ALPK3: variants seen among roughly 807,000 people sequenced by gnomAD.
ALPK3 encodes the protein alpha kinase 3, also known as alpha-protein kinase 3.
A neutral mutation model predicts 140.0 loss-of-function variants in ALPK3; 102 were observed. The observed-to-expected ratio is 0.73, with a 90% CI of 0.62 to 0.86. The LOEUF is 0.86. ALPK3 is among the 40% of genes least tolerant of loss of function. The pLI is 0.00. For missense variants in ALPK3, 2,254 were observed against 2,208.2 expected, an observed-to-expected ratio of 1.02 and a Z score of -0.42; for synonymous variants, 938 against 898.5, an observed-to-expected ratio of 1.04 and a Z score of -0.79.
At position 84,873,354 on chromosome 15, in the gene ALPK3, G is replaced by T. The variant is rs1485838199; in HGVS notation, c.*4898G>T. ...TATAATTTAGCATGGGCCAACATTT[G>T]GTCCAGATTTGTATTAGCCAAGCCC... On this transcript the variant is annotated 3_prime_UTR_variant, in exon 14 of 14. Coordinates refer to ENST00000258888, the MANE Select transcript of ALPK3 (RefSeq NM_020778.5). 6.6e-6 allele frequency: 1 copy of T among 152,112 alleles called. No homozygotes were observed. The highest frequency in any genetic ancestry group is 6.6e-5 in the Admixed American group (1 of 15,260). The allele number at this position is 152,112 out of a possible 1,614,324, so 9.4% of individuals were successfully genotyped here. A position where few individuals can be genotyped will look rare whatever the true frequency, so the allele number is the denominator to read the frequency against.
At chr15:84,834,364 T>A (rs933044017) in intron 3 of ALPK3, among the ~76,000 whole-genome samples, 1 of 152,228 alleles carries the variant, frequency 6.6e-6, no homozygotes, top group African/African-American at 2.4e-5. Flanking sequence ...CTAGATAACT[T>A]TGGACAAGAG....
intron 5 of ALPK3, among the ~76,000 whole-genome samples, chr15:84,849,461 ATTCTT>A (rs1448360701): frequency 6.6e-6 from 1 of 152,232 alleles, no homozygotes; most frequent in Admixed American, 6.5e-5. Flanking sequence ...CAGAATACTC[ATTCTT>A]TTCAAGTGCA....
chr15:84,851,843 C>T lies in ALPK3; in HGVS notation c.1654-4549C>T, dbSNP rs73437959. On this transcript the variant is annotated intron_variant, in intron 5 of 13. Transcript: ENST00000258888. ...ATATCCTTGTATATAAGTCCATCTG[C>T]ACATGAAAGTATACCTGTACGATTA... is the stretch of plus-strand genomic sequence containing the variant. Among the ~76,000 whole-genome samples, 1,456 of 152,274 alleles carry T rather than the reference C, an allele frequency of 9.6e-3. 24 individuals carry two copies. The highest frequency in any genetic ancestry group is 0.034 in the African/African-American group (1,400 of 41,536).
chr15:84,864,510 T>C lies in ALPK3; in HGVS notation c.4568T>C (p.Leu1523Pro). The part of the protein sequence containing the change: ...NIPYATLEED[L>P]GKPLESYCSR... ...CCATATGCTACCCTGGAGGAAGACCTGGGCAAGCCCCTGGAGTCTTACTGT... is the reference window on the plus strand; with the variant it reads ...CCATATGCTACCCTGGAGGAAGACCCGGGCAAGCCCCTGGAGTCTTACTGT... Residue 1523 changes from leucine (L) to proline (P), a missense_variant, in exon 12 of 14, where the codon CTG becomes CCG. Physicochemically the swap from Leu to Pro is moderately conservative, Grantham distance 98. Around this residue, in one of 3 missense-constraint regions of ALPK3, gnomAD observed 2,088 missense variants for 2,022.9 expected, o/e 1.03. Coordinates refer to ENST00000258888, the MANE Select transcript of ALPK3 (RefSeq NM_020778.5). 1 of 1,614,192 alleles carries C rather than the reference T, an allele frequency of 6.2e-7. No homozygotes were observed. Among genetic ancestry groups the C allele is most frequent in the Non-Finnish European group, 8.5e-7 (1 of 1,180,030 alleles).
chr15:84,850,881 C>T lies in ALPK3; in HGVS notation c.1654-5511C>T, dbSNP rs585741. 4.4e-3 allele frequency among the ~76,000 whole-genome samples: 312 copies of T among 70,562 alleles called. 1 individual carries two copies. Among genetic ancestry groups the T allele is most frequent in the Admixed American group, 6.6e-3 (53 of 7,980 alleles). 46.3% of individuals were successfully genotyped at this position (70,562 alleles called of 152,430 possible). A position where few individuals can be genotyped will look rare whatever the true frequency, so the allele number is the denominator to read the frequency against. Reference sequence around the variant, plus strand: ...ATATCTTTACACAGTTCCAGATATACACACACACACACACACACACACACA... The same window carrying T: ...ATATCTTTACACAGTTCCAGATATATACACACACACACACACACACACACA... On this transcript the variant is annotated intron_variant, in intron 5 of 13. Coordinates refer to ENST00000258888, the MANE Select transcript of ALPK3 (RefSeq NM_020778.5).
rs1218146579 is a variant in ALPK3 at position 84,868,284 on chromosome 15, G to A, written c.4946G>A (p.Gly1649Asp). The A allele has an allele frequency of 6.2e-7, 1 of 1,614,084 alleles. No homozygotes were observed. The highest frequency in any genetic ancestry group is 8.5e-7 in the Non-Finnish European group (1 of 1,179,962). ...AAGAGTCCATCTGCTGGCAGGAAAG[G>A]CTCCCAGCTGAGTCCTCAGCCCCAG... ...GSKSPSAGRK[G>D]SQLSPQPQKK... is the part of the protein sequence containing the mutation. Residue 1649 changes from glycine to aspartate, a missense_variant, in exon 14 of 14, where the codon GGC becomes GAC. Gly to Asp is a moderately conservative substitution (Grantham distance 94). This residue lies in a region of ALPK3 where 158 missense variants were observed against 159.8 expected (regional missense o/e 0.99). Transcript: ENST00000258888.
At chr15:84,859,443 C>A in intron 7 of ALPK3, 53 bp downstream of exon 7, 1 of 1,602,468 alleles carries the variant, frequency 6.2e-7, no homozygotes, top group South Asian at 1.1e-5. Flanking sequence ...TGCAGTAATA[C>A]CGTTGGGCAC....
chr15:84,848,109 A>G (rs570995213), intron 5 of ALPK3, among the ~76,000 whole-genome samples: 20 of 152,114 alleles, frequency 1.3e-4, no homozygotes, highest in Non-Finnish European at 2.4e-4. Context: ...TAAATTTTTC[A>G]TAGAGAAAGG....
At chr15:84,827,735 T>C in intron 3 of ALPK3, 130 bp downstream of exon 3, 1 of 1,325,824 alleles carries the variant, frequency 7.5e-7, no homozygotes, top group Non-Finnish European at 1.0e-6. Flanking sequence ...ATTTACTTTC[T>C]GAGCTTTCTC....
chr15:84,821,593 C>T (rs565918209), intron 1 of ALPK3, among the ~76,000 whole-genome samples: 32 of 152,194 alleles, frequency 2.1e-4, no homozygotes, highest in East Asian at 1.2e-3. Context: ...CACTCTAGCA[C>T]GCTCCTTTCC....
rs1230593830 is a variant in ALPK3, at chr15:84,871,888, A to G, written c.*3432A>G. 6.6e-6 allele frequency: 1 copy of G among 152,238 alleles called. No individual in the cohort carries two copies. The highest frequency in any genetic ancestry group is 1.5e-5 in the Non-Finnish European group (1 of 68,042). 9.4% of individuals were successfully genotyped at this position (152,238 alleles called of 1,614,324 possible). A position where few individuals can be genotyped will look rare whatever the true frequency, so the allele number is the denominator to read the frequency against. On this transcript the variant is annotated 3_prime_UTR_variant, in exon 14 of 14. Transcript: ENST00000258888. Reference sequence around the variant, plus strand: ...GGTCACATGATGTTTATGGCATTTGAGAATTCCATGGATATTGATGGCAGG... The same window carrying G: ...GGTCACATGATGTTTATGGCATTTGGGAATTCCATGGATATTGATGGCAGG...
At position 84,839,954 on chromosome 15, in the gene ALPK3, GCGATTGAGCGGGGC is replaced by G. The variant is rs761731873; in HGVS notation, c.676_689del (p.Arg226SerfsTer13). 1.2e-6 allele frequency: 2 copies of G among 1,613,504 alleles called. No homozygotes were observed. Among genetic ancestry groups the G allele is most frequent in the Non-Finnish European group, 8.5e-7 (1 of 1,179,704 alleles). ...GCCCCGACCGCTTCCAGCGAAAGCG[GCGATTGAGCGGGGC>G]TCAAGCGCCGGGCCCCTCGGTCCCT... On this transcript the variant is annotated frameshift_variant, in exon 5 of 14. Coordinates refer to ENST00000258888, the MANE Select transcript of ALPK3 (RefSeq NM_020778.5). LOFTEE classifies it high-confidence loss of function.
chr15:84,841,490 A>G (rs1324914691), intron 5 of ALPK3, among the ~76,000 whole-genome samples: 1 of 152,242 alleles, frequency 6.6e-6, no homozygotes, highest in Non-Finnish European at 1.5e-5. Flanking sequence ...TGGAAGAATA[A>G]TCATAACAAT....
In ALPK3 at chr15:84,864,572, T is replaced by A. The variant is rs1366184047; in HGVS notation, c.4630T>A (p.Ser1544Thr). The change falls in exon 12 of 14, where the codon TCT becomes ACT. Residue 1544 changes from serine (S) to threonine (T), a missense_variant. Around this residue, in one of 3 missense-constraint regions of ALPK3, gnomAD observed 2,088 missense variants for 2,022.9 expected, o/e 1.03. Coordinates refer to ENST00000258888, the MANE Select transcript of ALPK3 (RefSeq NM_020778.5). ...EWGCAEAPTA[S>T]GSSEAMQKCQ... ...GGGCTGTGCTGAGGCTCCGACAGCA[T>A]CTGGCAGCTCTGAGGCCATGCAGAA... The A allele has an allele frequency of 6.2e-7, 1 of 1,614,120 alleles. No homozygotes were observed. The highest frequency in any genetic ancestry group is 8.5e-7 in the Non-Finnish European group (1 of 1,180,060).
chr15:84,854,021 T>A (rs1270412243), intron 5 of ALPK3, among the ~76,000 whole-genome samples: 1 of 151,988 alleles, frequency 6.6e-6, no homozygotes, highest in Non-Finnish European at 1.5e-5. Flanking sequence ...AATTTAAAAT[T>A]TGAAAAACAG....
chr15:84,820,414 GC>G (rs1963408591), intron 1 of ALPK3, among the ~76,000 whole-genome samples: 1 of 152,078 alleles, frequency 6.6e-6, no homozygotes, highest in Admixed American at 6.5e-5. Context: ...AGGGATGGAG[GC>G]CCCCAGCTTT....
At chr15:84,864,801 T>C in intron 12 of ALPK3, 136 bp downstream of exon 12, 1 of 978,140 alleles carries the variant, frequency 1.0e-6, no homozygotes, top group Non-Finnish European at 1.5e-6. Flanking sequence ...CACAATAATC[T>C]TGTAAAGTAG....
Position 84,840,495 on chromosome 15 carries a change from G to A in ALPK3, c.1216G>A (p.Gly406Ser). 5 of 1,613,208 alleles carry A rather than the reference G, an allele frequency of 3.1e-6. No individual in the cohort carries two copies. Among genetic ancestry groups the A allele is most frequent in the Non-Finnish European group, 3.4e-6 (4 of 1,179,766 alleles). The change falls in exon 5 of 14, where the codon GGC becomes AGC. Residue 406 changes from glycine (G) to serine (S), a missense_variant. By Grantham distance (56) the Gly-to-Ser change is moderately conservative (BLOSUM62 0). This residue lies in a region of ALPK3 where 2,088 missense variants were observed against 2,022.9 expected (regional missense o/e 1.03). Transcript: ENST00000258888. ...PDKAQKAPGP[G>S]PGQEVYFSLK... ...CAAGGCCCAGAAGGCCCCTGGCCCAGGCCCAGGCCAGGAAGTGTATTTCTC... is the reference window on the plus strand; with the variant it reads ...CAAGGCCCAGAAGGCCCCTGGCCCAAGCCCAGGCCAGGAAGTGTATTTCTC...
chr15:84,856,140 G>T (rs916512531), intron 5 of ALPK3, among the ~76,000 whole-genome samples: 3 of 152,200 alleles, frequency 2.0e-5, no homozygotes, highest in Admixed American at 1.3e-4. Flanking sequence ...AAGGGCCAGA[G>T]CTGGGTCTGG....
Sources: gnomAD v4.1 joint callset for allele counts (sites outside exome capture counted in the v4.1 genomes callset) on GRCh38, gnomAD v4.1.1 for gene constraint, gnomAD v4.1.1 regional missense constraint, MANE v1.5 for transcripts, NCBI Gene and HGNC (gene_info 2026-07-23, HGNC 2026-07-21) for gene names.